The following LINGO2 variants were observed in gnomAD, a reference collection of about 807,000 sequenced individuals.
LINGO2 encodes the protein leucine rich repeat and Ig domain containing 2, also known as leucine-rich repeat and immunoglobulin-like domain-containing nogo receptor-interacting protein 2.
In LINGO2, 14 loss-of-function variants were observed where a neutral mutation model predicts 30.6. That is an observed-to-expected ratio of 0.46 (90% CI 0.30 to 0.72). LINGO2 has a LOEUF of 0.72. LINGO2 is among the 30% of genes least tolerant of loss of function. The pLI is 0.07. For synonymous variants in LINGO2, 317 were observed against 288.5 expected (o/e 1.10, Z -1.00); for missense variants, 729 against 751.7 (o/e 0.97, Z 0.35).
chr9:28,298,993 C>A (rs906156324), intron 3 of LINGO2, among the ~76,000 whole-genome samples: 13 of 152,220 alleles, frequency 8.5e-5, no homozygotes, highest in African/African-American at 3.1e-4. Context: ...ATGCACAACA[C>A]TACTACCCTT....
At chr9:29,147,965 C>T in the LINGO2 span, among the ~76,000 whole-genome samples, 1 of 151,872 alleles carries the variant, frequency 6.6e-6, no homozygotes, top group Non-Finnish European at 1.5e-5. Flanking sequence ...TTATGTATAG[C>T]GATAGCAAAA....
chr9:28,647,373 T>C (rs868046297), intron 1 of LINGO2, among the ~76,000 whole-genome samples: 1 of 152,148 alleles, frequency 6.6e-6, no homozygotes, highest in African/African-American at 2.4e-5. Flanking sequence ...TCCTTCTAAC[T>C]ACTTCTTTAG....
At chr9:27,966,744 AAG>A (rs552013330) in intron 5 of LINGO2, among the ~76,000 whole-genome samples, 3 of 151,876 alleles carry the variant, frequency 2.0e-5, no homozygotes, top group Non-Finnish European at 4.4e-5. Context: ...AAATTAAAAA[AAG>A]AAAAAAAATA....
chr9:28,853,364 A>G, the LINGO2 span, among the ~76,000 whole-genome samples: 1 of 152,046 alleles, frequency 6.6e-6, no homozygotes, highest in African/African-American at 2.4e-5. Flanking sequence ...AAAGTGAATT[A>G]AAAGTTCATG....
the LINGO2 span, among the ~76,000 whole-genome samples, chr9:29,060,142 G>T: frequency 1.3e-5 from 2 of 152,130 alleles, no homozygotes; most frequent in South Asian, 2.1e-4. Flanking sequence ...CTGTTCAGCA[G>T]CAGGGGCCAT....
At chr9:28,325,389 G>A (rs1327744799) in intron 3 of LINGO2, among the ~76,000 whole-genome samples, 1 of 152,030 alleles carries the variant, frequency 6.6e-6, no homozygotes, top group Admixed American at 6.6e-5. Flanking sequence ...CTGTAGAACA[G>A]CTGGAGCCAA....
At chr9:28,065,921 C>T (rs1250650753) in intron 4 of LINGO2, among the ~76,000 whole-genome samples, 1 of 152,070 alleles carries the variant, frequency 6.6e-6, no homozygotes, top group Admixed American at 6.6e-5. Flanking sequence ...AACTGACTCA[C>T]CTGTATGTAT....
At chr9:29,174,277 C>T in the LINGO2 span, among the ~76,000 whole-genome samples, 3 of 152,096 alleles carry the variant, frequency 2.0e-5, no homozygotes, top group Admixed American at 1.3e-4. Flanking sequence ...TGGGTCTCAT[C>T]GTTTATACTC....
At chr9:28,308,266 A>C (rs755424211) in intron 3 of LINGO2, among the ~76,000 whole-genome samples, 1,516 of 130,070 alleles carry the variant, frequency 0.012, 277 homozygotes, top group Non-Finnish European at 0.019. Flanking sequence ...GAGCCCTCAG[A>C]AATAATGCCG....
chr9:28,778,016 T>C, the LINGO2 span, among the ~76,000 whole-genome samples: 2 of 152,180 alleles, frequency 1.3e-5, no homozygotes, highest in African/African-American at 2.4e-5. Context: ...TAGTGCATAG[T>C]CCATGTGGGT....
chr9:28,296,285 T>C (rs1317625497), intron 3 of LINGO2, among the ~76,000 whole-genome samples: 3 of 152,190 alleles, frequency 2.0e-5, no homozygotes, highest in Admixed American at 6.5e-5. Context: ...AAATGCTCAC[T>C]GGTCTTCCCA....
At chr9:28,784,405 C>A in the LINGO2 span, among the ~76,000 whole-genome samples, 1 of 152,028 alleles carries the variant, frequency 6.6e-6, no homozygotes, top group African/African-American at 2.4e-5. Context: ...AGTTTGAGTC[C>A]CAGTTCAGCT....
At chr9:28,449,978 C>A (rs78837781) in intron 2 of LINGO2, among the ~76,000 whole-genome samples, 2 of 151,940 alleles carry the variant, frequency 1.3e-5, no homozygotes, top group African/African-American at 2.4e-5. Context: ...CTAGAATGTT[C>A]TTGGATTCGT....
At chr9:28,313,086 C>T (rs1318264748) in intron 3 of LINGO2, among the ~76,000 whole-genome samples, 2 of 152,190 alleles carry the variant, frequency 1.3e-5, no homozygotes, top group Admixed American at 1.3e-4. Context: ...CTGATGATGA[C>T]ACTTTGCTGA....
At chr9:28,721,294 C>A in the LINGO2 span, among the ~76,000 whole-genome samples, 3 of 152,116 alleles carry the variant, frequency 2.0e-5, no homozygotes, top group Admixed American at 6.6e-5. Context: ...TTTGACCCAG[C>A]AATCCCATTA....
chr9:28,075,319 GT>G (rs974363352), intron 4 of LINGO2, among the ~76,000 whole-genome samples: 4 of 151,814 alleles, frequency 2.6e-5, no homozygotes, highest in Non-Finnish European at 4.4e-5. Context: ...TTGTTGTTTA[GT>G]AATCACTGAA....
chr9:28,322,319 T>C (rs942077100), intron 3 of LINGO2, among the ~76,000 whole-genome samples: 5 of 152,196 alleles, frequency 3.3e-5, no homozygotes, highest in African/African-American at 1.2e-4. Context: ...TCCTATCATA[T>C]CACACCATTT....
chr9:28,786,710 C>G, the LINGO2 span, among the ~76,000 whole-genome samples: 1 of 152,046 alleles, frequency 6.6e-6, no homozygotes, highest in Admixed American at 6.6e-5. Flanking sequence ...TTGTCAGGAT[C>G]CTGAGTCAAA....
At chr9:28,609,369 C>G (rs1418522749) in intron 1 of LINGO2, among the ~76,000 whole-genome samples, 1 of 151,076 alleles carries the variant, frequency 6.6e-6, no homozygotes, top group Non-Finnish European at 1.5e-5. Flanking sequence ...TTCAGCTCAG[C>G]AATAAGTCAA....
Sources: allele counts gnomAD v4.1 joint callset (sites outside exome capture counted in the v4.1 genomes callset), GRCh38; gene constraint gnomAD v4.1.1; transcripts MANE v1.5; gene names NCBI Gene and HGNC (gene_info 2026-07-23, HGNC 2026-07-21).